PRDM6: variants seen among roughly 807,000 people sequenced by gnomAD.
PRDM6 encodes PR/SET domain 6.
A neutral mutation model predicts 60.8 loss-of-function variants in PRDM6; 25 were observed. That is an observed-to-expected ratio of 0.41 (90% CI 0.30 to 0.57). PRDM6 has a LOEUF of 0.57. Ranked by LOEUF, PRDM6 falls within the 20% of genes least tolerant of loss-of-function variation. The pLI is 0.27. For synonymous variants in PRDM6, 407 were observed against 357.4 expected, an observed-to-expected ratio of 1.14 and a Z score of -1.57; for missense variants, 839 against 821.3, an observed-to-expected ratio of 1.02 and a Z score of -0.26.
intron 3 of PRDM6, among the ~76,000 whole-genome samples, chr5:123,130,383 C>A (rs1375204177): frequency 4.6e-5 from 6 of 130,438 alleles, no homozygotes; most frequent in Non-Finnish European, 9.4e-5. Context: ...TTTTTTCTCT[C>A]TTTATCTCTT....
intron 6 of PRDM6, among the ~76,000 whole-genome samples, chr5:123,172,409 A>G (rs1765912828): frequency 1.3e-5 from 2 of 152,168 alleles, no homozygotes; most frequent in South Asian, 4.1e-4. Flanking sequence ...CACAATCTTT[A>G]TTTTCAATAG....
intron 5 of PRDM6, among the ~76,000 whole-genome samples, chr5:123,164,108 G>A (rs2126878761): frequency 6.6e-6 from 1 of 152,244 alleles, no homozygotes; most frequent in South Asian, 2.1e-4. Context: ...GAAGCGTTGT[G>A]ATGGGTGCAA....
At chr5:123,147,004 A>C (rs550410108) in intron 3 of PRDM6, among the ~76,000 whole-genome samples, 76 of 152,316 alleles carry the variant, frequency 5.0e-4, no homozygotes, top group Non-Finnish European at 1.2e-4. Context: ...TCAAGCTTTC[A>C]TGAGAGTTTT....
rs149933903 is a variant in PRDM6 at position 123,127,466 on chromosome 5, C to T, written c.900+27505C>T. Among the ~76,000 whole-genome samples, 947 of 152,318 alleles carry T rather than the reference C, an allele frequency of 6.2e-3. 8 individuals are homozygous for T. The highest frequency in any genetic ancestry group is 8.9e-3 in the Non-Finnish European group (607 of 68,034). On this transcript the variant is annotated intron_variant, in intron 3 of 7. Transcript: ENST00000407847. Reference sequence around the variant, plus strand: ...TAATCTCTGGAACTGTAAATTCAGTCTCTGTGTGTAGCATCGTTGAGAGAA... The same window carrying T: ...TAATCTCTGGAACTGTAAATTCAGTTTCTGTGTGTAGCATCGTTGAGAGAA...
In PRDM6 at chr5:123,185,639, ACAAT is replaced by A. The variant is rs570187609; in HGVS notation, c.1674-1444_1674-1441del. Reference sequence around the variant, plus strand: ...GGCTGCTAAAAATATTCCCCGAAAGACAATCAAAGAAACACAAGTTCTTCCCCCT... The same window carrying A: ...GGCTGCTAAAAATATTCCCCGAAAGACAAAGAAACACAAGTTCTTCCCCCT... On this transcript the variant is annotated intron_variant, in intron 7 of 7. Transcript: ENST00000407847. 1.1e-4 allele frequency among the ~76,000 whole-genome samples: 16 copies of A among 152,318 alleles called. No homozygotes were observed. The South Asian group carries it at 2.1e-3, about 20-fold the overall frequency.
At chr5:123,175,504 G>A (rs904456481) in intron 6 of PRDM6, among the ~76,000 whole-genome samples, 2 of 152,180 alleles carry the variant, frequency 1.3e-5, no homozygotes, top group African/African-American at 4.8e-5. Context: ...CATCCCCCAA[G>A]TGTGAAGGTT....
chr5:123,172,985 A>G (rs189290603), intron 6 of PRDM6, among the ~76,000 whole-genome samples: 1,905 of 152,216 alleles, frequency 0.013, 46 homozygotes, highest in African/African-American at 0.043. Context: ...AGGTCAGGAG[A>G]TCCAGACCAT....
chr5:123,173,210 A>G (rs1455096744), intron 6 of PRDM6, among the ~76,000 whole-genome samples: 3 of 146,372 alleles, frequency 2.0e-5, no homozygotes, highest in Non-Finnish European at 4.6e-5. Flanking sequence ...AAAAAATTAT[A>G]TGTATGTGTT....
chr5:123,184,815 A>G (rs1766246624), intron 7 of PRDM6, among the ~76,000 whole-genome samples: 1 of 152,184 alleles, frequency 6.6e-6, no homozygotes. Context: ...CAAATATATA[A>G]ATTGCATTCT....
rs909601014 is a variant in PRDM6, at chr5:123,130,713, C to T, written c.901-25171C>T. 9.9e-5 allele frequency among the ~76,000 whole-genome samples: 15 copies of T among 151,988 alleles called. 1 individual carries two copies. Among genetic ancestry groups the T allele is most frequent in the Non-Finnish European group, 2.2e-4 (15 of 68,010 alleles). ...CTCAGTAGCTAAGATTACAGGCATG[C>T]ATCACCATGCCCGGCTAATTGTTTT... On this transcript the variant is annotated intron_variant, in intron 3 of 7. Coordinates refer to ENST00000407847, the MANE Select transcript of PRDM6 (RefSeq NM_001136239.4).
chr5:123,180,037 TAGAAACTG>T (rs1467299815), intron 6 of PRDM6, 102 bp from the exon 7 acceptor site: 7 of 1,113,152 alleles, frequency 6.3e-6, no homozygotes, highest in Non-Finnish European at 6.3e-6. Flanking sequence ...TGCCCTGTCT[TAGAAACTG>T]AGAAAATGTC....
intron 3 of PRDM6, 134 bp downstream of exon 3, chr5:123,100,095 G>A (rs770517727): frequency 1.6e-4 from 150 of 959,462 alleles, no homozygotes; most frequent in Admixed American, 5.8e-4. Context: ...AGAGGGTAGC[G>A]GAGAATAGAT....
intron 3 of PRDM6, among the ~76,000 whole-genome samples, chr5:123,144,885 G>T (rs1003192784): frequency 2.1e-4 from 32 of 152,230 alleles, no homozygotes; most frequent in African/African-American, 7.2e-4. Flanking sequence ...TGGGTACCTG[G>T]CAGGCGTCGT....
intron 5 of PRDM6, among the ~76,000 whole-genome samples, chr5:123,165,575 T>C (rs1561870600): frequency 6.6e-6 from 1 of 152,234 alleles, no homozygotes; most frequent in Non-Finnish European, 1.5e-5. Flanking sequence ...ATTCACTTGT[T>C]TTGTTAATAG....
chr5:123,105,076 A>G (rs1486656560), intron 3 of PRDM6, among the ~76,000 whole-genome samples: 1 of 152,206 alleles, frequency 6.6e-6, no homozygotes, highest in Admixed American at 6.5e-5. Context: ...AGCTGCAAAC[A>G]CTTTATAAAG....
chr5:123,166,425 G>A (rs191209979), intron 5 of PRDM6, among the ~76,000 whole-genome samples: 19 of 150,758 alleles, frequency 1.3e-4, no homozygotes, highest in Non-Finnish European at 2.2e-4. Context: ...ACTGTATTTT[G>A]TCAATTCTAA....
chr5:123,119,358 A>T (rs1000823567), intron 3 of PRDM6, among the ~76,000 whole-genome samples: 1 of 152,182 alleles, frequency 6.6e-6, no homozygotes, highest in South Asian at 2.1e-4. Context: ...GGGCAAAATG[A>T]TGACAGTTTC....
chr5:123,106,337 G>C (rs569648387), intron 3 of PRDM6, among the ~76,000 whole-genome samples: 46 of 152,326 alleles, frequency 3.0e-4, no homozygotes, highest in African/African-American at 1.1e-3. Context: ...ACACACATTT[G>C]CTTCAGCGCA....
intron 3 of PRDM6, among the ~76,000 whole-genome samples, chr5:123,120,138 A>G (rs1764546658): frequency 6.6e-6 from 1 of 152,108 alleles, no homozygotes; most frequent in Non-Finnish European, 1.5e-5. Flanking sequence ...TTCCAAAAAG[A>G]TTTAAAGTGG....
Sources: gnomAD v4.1 joint callset for allele counts (sites outside exome capture counted in the v4.1 genomes callset) on GRCh38, gnomAD v4.1.1 for gene constraint, MANE v1.5 for transcripts, NCBI Gene and HGNC (gene_info 2026-07-23, HGNC 2026-07-21) for gene names.